Variants in LIMCH1 observed in about 807,000 individuals in gnomAD.
The protein encoded by LIMCH1 is LIM and calponin homology domains-containing protein 1.
In LIMCH1, 113 loss-of-function variants were observed where a neutral mutation model predicts 176.5. The ratio of observed to expected loss-of-function variants is 0.64; its 90% confidence interval spans 0.55 to 0.75. The LOEUF is 0.75. LIMCH1 is among the 30% of genes least tolerant of loss of function. The pLI, the probability that LIMCH1 is intolerant of heterozygous loss-of-function variation, is 0.00. For missense variants in LIMCH1, 1,674 were observed against 1,814.9 expected (o/e 0.92, Z 1.41); for synonymous variants, 619 against 645.9 (o/e 0.96, Z 0.63).
rs1277468317 is a variant in LIMCH1, at chr4:41,620,572, G to A, written c.607G>A (p.Gly203Arg). The change falls in exon 7 of 32, where the codon GGG becomes AGG. Residue 203 changes from glycine (G) to arginine (R), a missense_variant. Coordinates refer to ENST00000503057, the MANE Select transcript of LIMCH1 (RefSeq NM_001330672.2). ...TGGTAAGGAGCACCCTTCTTCAGAC[G>A]GGGCTGTGGTGGCACCAGCTCCCAA... Reference protein sequence around the residue: ...GSGKEHPSSDGAVVAPAPKSE... With the variant: ...GSGKEHPSSDRAVVAPAPKSE... The A allele has an allele frequency of 1.1e-5, 17 of 1,536,266 alleles. No homozygotes were observed. Among genetic ancestry groups the A allele is most frequent in the South Asian group, 4.8e-5 (4 of 84,052 alleles).
intron 1 of LIMCH1, among the ~76,000 whole-genome samples, chr4:41,397,356 G>A (rs946656787): frequency 3.3e-5 from 5 of 152,256 alleles, no homozygotes; most frequent in African/African-American, 9.6e-5. Context: ...TATCCTCGTT[G>A]TTTGAGACAG....
intron 9 of LIMCH1, among the ~76,000 whole-genome samples, chr4:41,630,387 G>A (rs2093253547): frequency 6.6e-6 from 1 of 152,180 alleles, no homozygotes; most frequent in African/African-American, 2.4e-5. Flanking sequence ...ACCACATGGA[G>A]AGAAAACATT....
At chr4:41,370,354 G>A (rs536978673) in intron 1 of LIMCH1, among the ~76,000 whole-genome samples, 1 of 152,028 alleles carries the variant, frequency 6.6e-6, no homozygotes. Context: ...GTGGTCACCT[G>A]TATGAGTTCT....
At chr4:41,381,919 C>A (rs1455974237) in intron 1 of LIMCH1, among the ~76,000 whole-genome samples, 3 of 152,174 alleles carry the variant, frequency 2.0e-5, no homozygotes, top group Non-Finnish European at 4.4e-5. Context: ...TCATCCCTGG[C>A]CTGTACTCAC....
At position 41,575,184 on chromosome 4, in the gene LIMCH1, A is replaced by T. The variant is rs1218803120; in HGVS notation, c.-240-23736A>T. On this transcript the variant is annotated intron_variant, in intron 1 of 31. Transcript: ENST00000503057. ...AGCTGTTGTTACCATGTTAAGTATG[A>T]AGACACTGACCAGATAGCATTTTTT... 2.6e-5 allele frequency among the ~76,000 whole-genome samples: 4 copies of T among 152,238 alleles called. No homozygotes were observed. The East Asian group carries it at 7.7e-4, about 29-fold the overall frequency.
chr4:41,505,426 T>G (rs544390645), intron 2 of LIMCH1, among the ~76,000 whole-genome samples: 22 of 152,322 alleles, frequency 1.4e-4, no homozygotes, highest in Admixed American at 8.5e-4. Context: ...TAGCTTGTGA[T>G]CAAAAACTGG....
Position 41,360,990 on chromosome 4 carries a change from C to G in LIMCH1, c.96+54C>G. 7.4e-7 allele frequency: 1 copy of G among 1,348,076 alleles called. No homozygotes were observed. The highest frequency in any genetic ancestry group is 1.0e-6 in the Non-Finnish European group (1 of 989,480). 83.5% of individuals were successfully genotyped at this position (1,348,076 alleles called of 1,614,324 possible). A position where few individuals can be genotyped will look rare whatever the true frequency, so the allele number is the denominator to read the frequency against. On this transcript the variant is annotated intron_variant, in intron 1 of 26. Coordinates refer to the LIMCH1 transcript ENST00000313860. This position sits in a 1 kb window ranked among gnomAD's most constrained non-coding sequence, Gnocchi z 4.5. ...TGCACTGGCGCCCTGAGCCACGGAC[C>G]CGCGCACGCTCCGACCGCAGGTCCA...
At chr4:41,444,748 T>C (rs1051558845) in intron 1 of LIMCH1, among the ~76,000 whole-genome samples, 3 of 152,194 alleles carry the variant, frequency 2.0e-5, no homozygotes, top group African/African-American at 7.2e-5. Context: ...TCAGTCTTGC[T>C]CAACATTGGG....
chr4:41,531,515 CAT>C (rs1554087021), intron 3 of LIMCH1, among the ~76,000 whole-genome samples: 3,587 of 105,810 alleles, frequency 0.034, 58 homozygotes, highest in East Asian at 0.097. Context: ...CACACACACA[CAT>C]ACACACCTTA....
chr4:41,627,145 T>C (rs1447644405), intron 8 of LIMCH1, 135 bp downstream of exon 8: 2 of 1,215,242 alleles, frequency 1.6e-6, no homozygotes, highest in Non-Finnish European at 2.2e-6. Context: ...CTCTCAATTA[T>C]ATGTACTTTG....
At chr4:41,559,965 G>C (rs1478379293) in intron 1 of LIMCH1, among the ~76,000 whole-genome samples, 1 of 152,016 alleles carries the variant, frequency 6.6e-6, no homozygotes, top group African/African-American at 2.4e-5. Flanking sequence ...AGTCTCTATT[G>C]ATAGTCCCGA....
At chr4:41,417,095 C>G (rs557991377) in intron 1 of LIMCH1, among the ~76,000 whole-genome samples, 1 of 94,368 alleles carries the variant, frequency 1.1e-5, no homozygotes, top group East Asian at 2.6e-4. Context: ...GGCATTGCTT[C>G]TTTGTGAGGG....
At chr4:41,396,816 G>A (rs564056060) in intron 1 of LIMCH1, among the ~76,000 whole-genome samples, 50 of 152,072 alleles carry the variant, frequency 3.3e-4, no homozygotes, top group Middle Eastern at 3.4e-3. Context: ...GGCAGGAATC[G>A]CTTGAACCTG....
intron 6 of LIMCH1, 190 bp from the exon 7 acceptor site, chr4:41,620,234 T>C (rs1242034873): frequency 1.7e-6 from 1 of 584,822 alleles, no homozygotes; most frequent in East Asian, 2.9e-5. Context: ...ACTCTCAATG[T>C]TGCGGGTATG....
At chr4:41,686,433 A>G (rs1447320061) in intron 28 of LIMCH1, among the ~76,000 whole-genome samples, 1 of 152,240 alleles carries the variant, frequency 6.6e-6, no homozygotes, top group Non-Finnish European at 1.5e-5. Flanking sequence ...TAAATAACTT[A>G]TCCAAATTAT....
intron 1 of LIMCH1, among the ~76,000 whole-genome samples, chr4:41,460,455 C>CATATATATATAT (rs1302547339): frequency 0.038 from 3,522 of 91,976 alleles, 138 homozygotes; most frequent in Middle Eastern, 0.062. Flanking sequence ...CTATAGTAAT[C>CATATATATATAT]ATCTATATAT....
chr4:41,620,891 T>C (rs931835901), intron 7 of LIMCH1, among the ~76,000 whole-genome samples: 1 of 152,264 alleles, frequency 6.6e-6, no homozygotes, highest in Admixed American at 6.5e-5. Context: ...GTATTTTAAA[T>C]GAAGGTGAAG....
rs566320969 is a variant in LIMCH1 at position 41,483,136 on chromosome 4, A to G, written c.97-11400A>G. Among the ~76,000 whole-genome samples the G allele has an allele frequency of 6.6e-4, 100 of 152,270 alleles. 1 individual carries two copies. The highest frequency in any genetic ancestry group is 2.2e-3 in the African/African-American group (93 of 41,562). ...GATGGATGCTGTGGGTAGAGGGGTA[A>G]GGTTGACATACAAAGGCAGGACCTA... On this transcript the variant is annotated intron_variant, in intron 1 of 26. Transcript: ENST00000313860.
intron 1 of LIMCH1, among the ~76,000 whole-genome samples, chr4:41,551,609 T>A (rs1394531112): frequency 2.0e-5 from 3 of 152,202 alleles, no homozygotes; most frequent in Non-Finnish European, 4.4e-5. Context: ...TGCTTCCTTT[T>A]GTTCATGGCC....
Sources: allele counts gnomAD v4.1 joint callset (sites outside exome capture counted in the v4.1 genomes callset), GRCh38; gene constraint gnomAD v4.1.1; non-coding constraint Gnocchi (gnomAD v3.1); transcripts MANE v1.5; gene names NCBI Gene and HGNC (gene_info 2026-07-23, HGNC 2026-07-21).